Variants in FOXK2 observed in about 807,000 individuals in gnomAD.
FOXK2 encodes forkhead box protein K2.
A neutral mutation model predicts 53.3 loss-of-function variants in FOXK2; 24 were observed. The observed-to-expected ratio is 0.45, with a 90% CI of 0.33 to 0.63. The LOEUF (loss-of-function observed/expected upper bound fraction) is 0.63. Among genes scored for constraint, FOXK2 ranks in the 30% least tolerant of loss-of-function variants. FOXK2 has a pLI of 0.03. For missense variants in FOXK2, 952 were observed against 910.5 expected, an observed-to-expected ratio of 1.05 and a Z score of -0.59; for synonymous variants, 505 against 407.1, an observed-to-expected ratio of 1.24 and a Z score of -2.89.
chr17:82,545,805 C>T (rs1220835030), intron 1 of FOXK2, among the ~76,000 whole-genome samples: 1 of 152,034 alleles, frequency 6.6e-6, no homozygotes, highest in Non-Finnish European at 1.5e-5. Flanking sequence ...TGGTCTAGAA[C>T]TCCTGACCTC....
intron 1 of FOXK2, among the ~76,000 whole-genome samples, chr17:82,530,225 T>C (rs2044459955): frequency 6.6e-6 from 1 of 152,126 alleles, no homozygotes. Flanking sequence ...GCACGTTGGG[T>C]CACGCCTGTC....
chr17:82,584,266 C>A, intron 6 of FOXK2, 78 bp downstream of exon 6: 1 of 1,421,466 alleles, frequency 7.0e-7, no homozygotes, highest in Non-Finnish European at 9.3e-7. Flanking sequence ...AGAGAAGAAA[C>A]AGCCGGACTG....
chr17:82,595,684 G>T, intron 8 of FOXK2: 2 of 957,002 alleles, frequency 2.1e-6, no homozygotes, highest in Admixed American at 2.8e-5. Context: ...CTAACAGTGG[G>T]GTCGGTCCCT....
intron 1 of FOXK2, among the ~76,000 whole-genome samples, chr17:82,554,912 AT>A (rs929208830): frequency 1.0e-4 from 15 of 148,794 alleles, no homozygotes; most frequent in Non-Finnish European, 1.3e-4. Context: ...TGCCCGACTA[AT>A]TTTTTTTTTG....
At chr17:82,549,261 C>G (rs1002717831) in intron 1 of FOXK2, among the ~76,000 whole-genome samples, 4 of 152,190 alleles carry the variant, frequency 2.6e-5, no homozygotes, top group African/African-American at 9.7e-5. Context: ...GTTGCCACAC[C>G]GAACTGCAGA....
chr17:82,558,456 A>G (rs1374431776), intron 1 of FOXK2, among the ~76,000 whole-genome samples: 1 of 152,272 alleles, frequency 6.6e-6, no homozygotes, highest in Non-Finnish European at 1.5e-5. Context: ...TCTACGGAGA[A>G]GTACGAGCTC....
chr17:82,551,316 C>T (rs1453266884), intron 1 of FOXK2, among the ~76,000 whole-genome samples: 1 of 89,254 alleles, frequency 1.1e-5, no homozygotes, highest in African/African-American at 5.0e-5. Flanking sequence ...GACTCCATCT[C>T]AAAAAAAAAA....
intron 4 of FOXK2, among the ~76,000 whole-genome samples, chr17:82,574,822 C>A (rs2044964553): frequency 6.6e-6 from 1 of 152,166 alleles, no homozygotes; most frequent in South Asian, 2.1e-4. Flanking sequence ...TTTGGTCAAT[C>A]CACAGAGGAC....
chr17:82,586,672 C>G (rs141774008), intron 7 of FOXK2, among the ~76,000 whole-genome samples: 1 of 151,972 alleles, frequency 6.6e-6, no homozygotes. Flanking sequence ...GGGGCTGAGA[C>G]GGTCGGATCA....
In FOXK2 at chr17:82,584,206, G is replaced by T. The variant is rs767843181; in HGVS notation, c.1279+18G>T. On this transcript the variant is annotated intron_variant, in intron 6 of 8. Coordinates refer to ENST00000335255, the MANE Select transcript of FOXK2 (RefSeq NM_004514.4). ...CGCCCCAGGTGAGACAGCGGGAGAGGAAGCGAGGGCCCCAACAGCGTGAGC... is the reference window on the plus strand; with the variant it reads ...CGCCCCAGGTGAGACAGCGGGAGAGTAAGCGAGGGCCCCAACAGCGTGAGC... 1.3e-5 allele frequency: 21 copies of T among 1,573,048 alleles called. No homozygotes were observed. The highest frequency in any genetic ancestry group is 1.8e-5 in the Non-Finnish European group (21 of 1,159,506).
chr17:82,529,368 A>T, intron 1 of FOXK2, among the ~76,000 whole-genome samples: 1 of 148,132 alleles, frequency 6.8e-6, no homozygotes. Flanking sequence ...AATTACAGGC[A>T]CGTGCCACCA....
intron 8 of FOXK2, chr17:82,595,958 C>G (rs1392019129): frequency 8.2e-7 from 1 of 1,225,364 alleles, no homozygotes; most frequent in Non-Finnish European, 1.0e-6. Flanking sequence ...CCAGAGACAC[C>G]TACAGCGTGG....
chr17:82,558,565 G>A (rs2044757182), intron 1 of FOXK2, among the ~76,000 whole-genome samples: 1 of 152,222 alleles, frequency 6.6e-6, no homozygotes, highest in Admixed American at 6.5e-5. Context: ...GCCCCCACAG[G>A]GGAGGAAGAG....
At chr17:82,538,051 C>G (rs188472909) in intron 1 of FOXK2, among the ~76,000 whole-genome samples, 172 of 151,774 alleles carry the variant, frequency 1.1e-3, no homozygotes, top group African/African-American at 4.0e-3. Context: ...TGGTGAAACC[C>G]TGTCTCTACA....
At chr17:82,523,576 G>A (rs1422983148) in intron 1 of FOXK2, among the ~76,000 whole-genome samples, 1 of 151,218 alleles carries the variant, frequency 6.6e-6, no homozygotes, top group African/African-American at 2.4e-5. Flanking sequence ...GGGCTCAAGC[G>A]ATTCTCCTGC....
At position 82,568,108 on chromosome 17, in the gene FOXK2, G is replaced by A. The variant is rs779745765; in HGVS notation, c.669G>A (p.Lys223=). ...GGGGAGCGGGGTCTTCAGGGTACAA[G>A]GTGGGCCGAGTGATGCCATCTGACC... ...SPRGAGSSGY[K]VGRVMPSDLN... The change falls in exon 3 of 9, where the codon AAG becomes AAA. Residue 223 remains lysine (K), a synonymous_variant. Coordinates refer to ENST00000335255, the MANE Select transcript of FOXK2 (RefSeq NM_004514.4). 1.9e-6 allele frequency: 3 copies of A among 1,614,068 alleles called. No individual in the cohort carries two copies. In the South Asian group the frequency reaches 3.3e-5, roughly 18 times the overall value.
chr17:82,585,849 T>C, intron 6 of FOXK2, 55 bp from the exon 7 acceptor site: 1 of 1,558,388 alleles, frequency 6.4e-7, no homozygotes, highest in Admixed American at 1.7e-5. Context: ...TGTGAGAACC[T>C]TTGTTTGTAG....
chr17:82,594,254 T>A (rs1053808317), intron 8 of FOXK2, among the ~76,000 whole-genome samples: 2 of 152,156 alleles, frequency 1.3e-5, no homozygotes, highest in Admixed American at 6.5e-5. Context: ...ATCCCAGCAC[T>A]TTGGGAGGCC....
chr17:82,571,968 A>C, intron 4 of FOXK2, 98 bp downstream of exon 4: 1 of 1,265,390 alleles, frequency 7.9e-7, no homozygotes, highest in Non-Finnish European at 1.1e-6. Flanking sequence ...ATAGGAAGGT[A>C]GAAGGGGGGG....
Sources: gnomAD v4.1 joint callset for allele counts (sites outside exome capture counted in the v4.1 genomes callset) on GRCh38, gnomAD v4.1.1 for gene constraint, MANE v1.5 for transcripts, NCBI Gene and HGNC (gene_info 2026-07-23, HGNC 2026-07-21) for gene names.